LRRC47: variants seen among roughly 807,000 people sequenced by gnomAD.
LRRC47 encodes the protein leucine-rich repeat-containing protein 47.
Under a neutral mutation model 40.9 loss-of-function variants are expected in LRRC47, and 31 were observed. That is an observed-to-expected ratio of 0.76 (90% confidence interval 0.57 to 1.02). LRRC47 has a LOEUF of 1.02. LRRC47 is among the 50% of genes least tolerant of loss of function. The pLI is 0.00. For synonymous variants in LRRC47, 427 were observed against 371.9 expected (o/e 1.15, Z -1.70); for missense variants, 726 against 796.1 (o/e 0.91, Z 1.06).
intron 1 of LRRC47, among the ~76,000 whole-genome samples, chr1:3,788,162 G>A (rs1643594894): frequency 6.6e-6 from 1 of 152,228 alleles, no homozygotes. Context: ...ATGACGTGAG[G>A]CGGCCGCTGC....
chr1:3,785,281 T>C, intron 2 of LRRC47, 78 bp from the exon 3 acceptor site: 1 of 1,049,486 alleles, frequency 9.5e-7, no homozygotes, highest in South Asian at 2.0e-5. Flanking sequence ...CACCCTTGGC[T>C]GGGCTGTGTG....
intron 1 of LRRC47, among the ~76,000 whole-genome samples, chr1:3,793,572 G>A (rs1225691629): frequency 6.6e-6 from 1 of 152,204 alleles, no homozygotes; most frequent in Non-Finnish European, 1.5e-5. Context: ...ATAAACAACT[G>A]CCAGCTATTC....
intron 3 of LRRC47, chr1:3,784,322 C>G: frequency 1.8e-6 from 1 of 569,174 alleles, no homozygotes; most frequent in Non-Finnish European, 3.1e-6. Flanking sequence ...CGCCCAAACA[C>G]ACCGATCCTA....
chr1:3,780,904 A>G lies in LRRC47; in HGVS notation c.*184T>C. 1.2e-6 allele frequency: 1 copy of G among 831,940 alleles called. No individual in the cohort carries two copies. Among genetic ancestry groups the G allele is most frequent in the Non-Finnish European group, 1.8e-6 (1 of 548,884 alleles). The allele number at this position is 831,940 out of a possible 1,614,324, so 51.5% of individuals were successfully genotyped here. A position where few individuals can be genotyped will look rare whatever the true frequency, so the allele number is the denominator to read the frequency against. On this transcript the variant is annotated 3_prime_UTR_variant, in exon 7 of 7. Transcript: ENST00000378251. ...GGCAGGAGAATCGCTTGAACCCAGGAGACACAGGCTGCAGTGACTCGAGAT... is the reference window on the plus strand; with the variant it reads ...GGCAGGAGAATCGCTTGAACCCAGGGGACACAGGCTGCAGTGACTCGAGAT...
At chr1:3,794,127 G>A (rs1036125455) in intron 1 of LRRC47, among the ~76,000 whole-genome samples, 15 of 151,946 alleles carry the variant, frequency 9.9e-5, no homozygotes, top group Admixed American at 3.3e-4. Context: ...CCCGGGAGGC[G>A]GAGCTTGCAG....
chr1:3,782,812 T>C (rs1433006703), intron 4 of LRRC47, 49 bp from the exon 5 acceptor site: 3 of 1,135,558 alleles, frequency 2.6e-6, no homozygotes, highest in Admixed American at 3.4e-5. Flanking sequence ...AAAGAAACAC[T>C]GTGCTGGGTG....
chr1:3,796,429 A>C lies in LRRC47; in HGVS notation c.48T>G (p.Ala16=), dbSNP rs1643677257. The change falls in exon 1 of 7, where the codon GCT becomes GCG. Residue 16 remains alanine (A), a synonymous_variant. Transcript: ENST00000378251. ...VSESWPELEL[A]ERERRRELLL... ...GCAGCTCCCGCCGCCGCTCGCGCTC[A>C]GCCAGCTCCAGCTCCGGCCAAGACT... The C allele has an allele frequency of 6.6e-7, 1 of 1,520,374 alleles. No homozygotes were observed. The highest frequency in any genetic ancestry group is 1.4e-5 in the African/African-American group (1 of 69,870). The allele number at this position is 1,520,374 out of a possible 1,614,324, so 94.2% of individuals were successfully genotyped here. A position where few individuals can be genotyped will look rare whatever the true frequency, so the allele number is the denominator to read the frequency against.
chr1:3,783,980 C>A lies in LRRC47; in HGVS notation c.1310+16G>T. ...TCCCCCGGGCCCGGCCCCACCCCAC[C>A]AGGCACGCTGCCCACCTGTGCAGGC... On this transcript the variant is annotated intron_variant, in intron 4 of 6. Transcript: ENST00000378251. The A allele has an allele frequency of 6.3e-7, 1 of 1,594,698 alleles. No individual in the cohort carries two copies. Among genetic ancestry groups the A allele is most frequent in the South Asian group, 1.1e-5 (1 of 89,976 alleles).
intron 2 of LRRC47, 27 bp downstream of exon 2, chr1:3,786,822 C>T: frequency 1.3e-6 from 2 of 1,547,514 alleles, no homozygotes; most frequent in Non-Finnish European, 1.7e-6. Flanking sequence ...CTGTCCCAGT[C>T]ATCTGAGGAC....
In LRRC47 at chr1:3,780,202, A is replaced by C. The variant is rs1219650180; in HGVS notation, c.*886T>G. The C allele has an allele frequency of 1.3e-5, 2 of 151,982 alleles. No homozygotes were observed. The highest frequency in any genetic ancestry group is 3.9e-4 in the East Asian group (2 of 5,174). 9.4% of individuals were successfully genotyped at this position (151,982 alleles called of 1,614,324 possible). The stretch of plus-strand genomic sequence containing the variant: ...CTTAGCCGCTGCTGTGTGATCACAG[A>C]GTCTTTACACAAGCCTCGATGGTGC... On this transcript the variant is annotated 3_prime_UTR_variant, in exon 7 of 7. Transcript: ENST00000378251.
At chr1:3,791,631 T>C (rs1225805211) in intron 1 of LRRC47, among the ~76,000 whole-genome samples, 2 of 152,198 alleles carry the variant, frequency 1.3e-5, no homozygotes, top group African/African-American at 2.4e-5. Context: ...TAATTTTGTA[T>C]TTTTAGTAGA....
intron 4 of LRRC47, 48 bp downstream of exon 4, chr1:3,783,948 G>T: frequency 6.7e-7 from 1 of 1,488,356 alleles, no homozygotes; most frequent in Non-Finnish European, 9.1e-7. Context: ...AGGCCAGCAT[G>T]CGGCACTCCC....
chr1:3,795,949 G>A lies in LRRC47; in HGVS notation c.528C>T (p.Gly176=). The A allele has an allele frequency of 6.3e-7, 1 of 1,598,322 alleles. No individual in the cohort carries two copies. Among genetic ancestry groups the A allele is most frequent in the Non-Finnish European group, 8.5e-7 (1 of 1,175,164 alleles). ...DSFPAELFRP[G]ALPLLSELAA... Reference sequence around the variant, plus strand: ...CCAGTTCACTGAGCAGGGGCAGCGCGCCGGGGCGAAAGAGCTCGGCGGGAA... The same window carrying A: ...CCAGTTCACTGAGCAGGGGCAGCGCACCGGGGCGAAAGAGCTCGGCGGGAA... Residue 176 remains glycine, a synonymous_variant, in exon 1 of 7, where the codon GGC becomes GGT. Transcript: ENST00000378251.
In LRRC47 at chr1:3,786,892, T is replaced by C. The variant is rs767192849; in HGVS notation, c.1034A>G (p.Asp345Gly). 8 of 1,604,788 alleles carry C rather than the reference T, an allele frequency of 5.0e-6. No homozygotes were observed. The highest frequency in any genetic ancestry group is 1.1e-5 in the South Asian group (1 of 89,416). ...CTTGAGTGCATTCCCTGGCTGCAGG[T>C]CCATGCCTCGCACCACGGCCCCCAC... ...YIVGAVVRGM[D>G]LQPGNALKRF... is the part of the protein sequence containing the mutation. The change falls in exon 2 of 7, where the codon GAC becomes GGC. Residue 345 changes from aspartate to glycine, a missense_variant. By Grantham distance (94) the Asp-to-Gly change is moderately conservative. Transcript: ENST00000378251.
intron 2 of LRRC47, among the ~76,000 whole-genome samples, chr1:3,786,240 G>A (rs1044718847): frequency 2.6e-5 from 4 of 152,168 alleles, no homozygotes; most frequent in South Asian, 2.1e-4. Flanking sequence ...GCTGACACCC[G>A]TAATCCCCAC....
At position 3,784,058 on chromosome 1, in the gene LRRC47, C is replaced by T. The variant is rs1643547237; in HGVS notation, c.1248G>A (p.Leu416=). Residue 416 remains leucine (L), a synonymous_variant, in exon 4 of 7, where the codon CTG becomes CTA. Transcript: ENST00000378251. ...TCCTCTGCTCCTCGGCCTCCAGCTG[C>T]AGCTGCCGCACCAGCTCCTTGGCCT... ...EAKAKELVRQ[L]QLEAEEQRKQ... is the part of the protein sequence containing the mutation. 1.2e-6 allele frequency: 2 copies of T among 1,612,930 alleles called. No individual in the cohort carries two copies. Among genetic ancestry groups the T allele is most frequent in the Middle Eastern group, 1.7e-4 (1 of 6,060 alleles).
chr1:3,783,857 G>A (rs1643544897), intron 4 of LRRC47, 139 bp downstream of exon 4: 3 of 659,050 alleles, frequency 4.6e-6, no homozygotes, highest in South Asian at 3.9e-5. Flanking sequence ...GAAAGAGAAT[G>A]CTTTCTTTGT....
intron 3 of LRRC47, among the ~76,000 whole-genome samples, chr1:3,784,794 G>C (rs1283199563): frequency 1.3e-5 from 2 of 152,236 alleles, no homozygotes; most frequent in Non-Finnish European, 2.9e-5. Context: ...CCTGGAGTTT[G>C]AGACCAGCCT....
At chr1:3,786,123 G>A (rs1643570149) in intron 2 of LRRC47, among the ~76,000 whole-genome samples, 1 of 151,958 alleles carries the variant, frequency 6.6e-6, no homozygotes, top group African/African-American at 2.4e-5. Flanking sequence ...ACCCACCTCG[G>A]CCTCCTGAAG....
Sources: gnomAD v4.1 joint callset for allele counts (sites outside exome capture counted in the v4.1 genomes callset) on GRCh38, gnomAD v4.1.1 for gene constraint, MANE v1.5 for transcripts, NCBI Gene and HGNC (gene_info 2026-07-23, HGNC 2026-07-21) for gene names.